The following UBQLN4 variants were observed in gnomAD, a reference collection of about 807,000 sequenced individuals.
UBQLN4 encodes the protein ubiquilin 4, also known as ubiquilin-4.
In UBQLN4, 11 loss-of-function variants were observed where a neutral mutation model predicts 60.4. The ratio of observed to expected loss-of-function variants is 0.18; its 90% CI spans 0.11 to 0.30. The LOEUF (loss-of-function observed/expected upper bound fraction) is 0.30. Ranked by LOEUF, UBQLN4 falls within the 10% of genes least tolerant of loss-of-function variation. The pLI is 1.00. For synonymous variants in UBQLN4, 258 were observed against 313.1 expected (o/e 0.82, Z 1.86); for missense variants, 417 against 795.5 (o/e 0.52, Z 5.72).
intron 10 of UBQLN4, among the ~76,000 whole-genome samples, chr1:156,040,358 C>A (rs370227245): frequency 6.8e-6 from 1 of 147,498 alleles, no homozygotes; most frequent in Non-Finnish European, 1.5e-5. Flanking sequence ...CCAGCCTGGG[C>A]AACAAGAGCA....
At chr1:156,034,452 C>T (rs999255407), downstream of UBQLN4, among the ~76,000 whole-genome samples, 2 of 151,802 alleles carry the variant, frequency 1.3e-5, no homozygotes, top group African/African-American at 4.8e-5. Context: ...CACCTGCCAC[C>T]GTGCCTGGCT....
chr1:156,053,549 A>G, intron 1 of UBQLN4, 45 bp downstream of exon 1: 1 of 819,216 alleles, frequency 1.2e-6, no homozygotes, highest in Non-Finnish European at 1.6e-6. Context: ...ATCTCTTCGC[A>G]GACCCCTCCT....
chr1:156,033,801 A>C (rs530855345), downstream of UBQLN4, among the ~76,000 whole-genome samples: 2 of 151,530 alleles, frequency 1.3e-5, no homozygotes, highest in South Asian at 2.1e-4. Context: ...CCGAGATTGC[A>C]TCACTGCACT....
At chr1:156,039,920 G>C (rs920396293) in intron 10 of UBQLN4, among the ~76,000 whole-genome samples, 3 of 109,738 alleles carry the variant, frequency 2.7e-5, no homozygotes, top group African/African-American at 1.1e-4. Context: ...CTGGGCGACA[G>C]AGCGAGACTC....
chr1:156,046,213 C>A (rs1683694018), intron 5 of UBQLN4, among the ~76,000 whole-genome samples: 1 of 151,614 alleles, frequency 6.6e-6, no homozygotes, highest in Admixed American at 6.6e-5. Context: ...TTAGGCCGGG[C>A]ACGGTGGCTC....
intron 1 of UBQLN4, 113 bp from the exon 2 acceptor site, chr1:156,051,970 G>T: frequency 7.3e-7 from 1 of 1,377,776 alleles, no homozygotes; most frequent in Non-Finnish European, 9.9e-7. Flanking sequence ...CTAGTCATGG[G>T]AAGTCCTTTC....
chr1:156,036,916 T>A lies in UBQLN4; in HGVS notation c.*62A>T. 2 of 1,583,730 alleles carry A rather than the reference T, an allele frequency of 1.3e-6. No individual in the cohort carries two copies. The highest frequency in any genetic ancestry group is 1.2e-5 in the South Asian group (1 of 85,682). ...AGGACAAGCTGCAGAGGGTAAGGAT[T>A]GACAGAAGAACCGAATGCTGACATC... On this transcript the variant is annotated 3_prime_UTR_variant, in exon 11 of 11. Transcript: ENST00000368309.
intron 5 of UBQLN4, among the ~76,000 whole-genome samples, chr1:156,047,709 C>A (rs778061833): frequency 4.6e-5 from 7 of 150,938 alleles, no homozygotes; most frequent in East Asian, 3.9e-4. Flanking sequence ...TCCTGGCTAA[C>A]ATGGTGAAAC....
Position 156,048,360 on chromosome 1 carries a change from G to A in UBQLN4, c.900+141C>T. The A allele has an allele frequency of 3.1e-6, 3 of 980,216 alleles. No homozygotes were observed. Among genetic ancestry groups the A allele is most frequent in the Admixed American group, 2.8e-5 (1 of 35,210 alleles). 60.7% of individuals were successfully genotyped at this position (980,216 alleles called of 1,614,324 possible). ...AATGGACCATCCCCGGATATGTACT[G>A]TTGAGAACTGCCTTCAAGCCAAGGC... On this transcript the variant is annotated intron_variant, in intron 5 of 10. Transcript: ENST00000368309. This position sits in a 1 kb window ranked among gnomAD's most constrained non-coding sequence, Gnocchi z 4.9.
chr1:156,033,480 G>C (rs1683328883), downstream of UBQLN4, among the ~76,000 whole-genome samples: 1 of 151,796 alleles, frequency 6.6e-6, no homozygotes, highest in Non-Finnish European at 1.5e-5. Flanking sequence ...TTCCTTGCTT[G>C]ACCCCAGGAG....
chr1:156,048,370 G>A lies in UBQLN4; in HGVS notation c.900+131C>T, dbSNP rs537565788. 9.5e-4 allele frequency: 1,028 copies of A among 1,081,900 alleles called. 24 individuals carry two copies. The South Asian group carries it at 0.017, about 18-fold the overall frequency. 67.0% of individuals were successfully genotyped at this position (1,081,900 alleles called of 1,614,324 possible). On this transcript the variant is annotated intron_variant, in intron 5 of 10. Coordinates refer to ENST00000368309, the MANE Select transcript of UBQLN4 (RefSeq NM_020131.5). The surrounding 1 kb of genome is among the most constrained non-coding windows in gnomAD (Gnocchi z 4.9). The stretch of plus-strand genomic sequence containing the variant: ...CCCCGGATATGTACTGTTGAGAACT[G>A]CCTTCAAGCCAAGGCCCACCCCTCA...
intron 1 of UBQLN4, among the ~76,000 whole-genome samples, 181 bp from the exon 2 acceptor site, chr1:156,052,038 G>A (rs1465154521): frequency 6.6e-6 from 1 of 152,188 alleles, no homozygotes; most frequent in African/African-American, 2.4e-5. Flanking sequence ...TAACAAAGGA[G>A]ATGAACCAGT....
At chr1:156,041,726 A>C in intron 9 of UBQLN4, 55 bp from the exon 10 acceptor site, 1 of 1,468,174 alleles carries the variant, frequency 6.8e-7, no homozygotes, top group Non-Finnish European at 9.0e-7. Context: ...AGGGATGAGA[A>C]TGTGAGATCC....
intron 1 of UBQLN4, among the ~76,000 whole-genome samples, chr1:156,052,413 A>T (rs956647567): frequency 1.3e-5 from 2 of 152,136 alleles, no homozygotes; most frequent in Non-Finnish European, 2.9e-5. Context: ...TGTAACCTCC[A>T]TCTTCCGGGT....
chr1:156,042,908 A>G lies in UBQLN4; in HGVS notation c.1132T>C (p.Phe378Leu). The change falls in exon 7 of 11, where the codon TTC (phenylalanine) becomes CTC (leucine). Residue 378 changes from phenylalanine to leucine, a missense_variant. Phe to Leu is a conservative substitution (Grantham distance 22). Transcript: ENST00000368309. ...INAASLGSGM[F>L]NSPEMQALLQ... ...AGGGCTTGCATTTCTGGGCTATTGA[A>G]CATCCCTAGGACAAGGCGGAAAAAA... 6.2e-7 allele frequency: 1 copy of G among 1,614,062 alleles called. No individual in the cohort carries two copies. The highest frequency in any genetic ancestry group is 1.3e-5 in the African/African-American group (1 of 75,050).
At chr1:156,033,739 G>A (rs1683334121), downstream of UBQLN4, among the ~76,000 whole-genome samples, 1 of 151,878 alleles carries the variant, frequency 6.6e-6, no homozygotes, top group East Asian at 1.9e-4. Flanking sequence ...AGCTACTCAG[G>A]AGGCTGAGGC....
Position 156,044,075 on chromosome 1 carries a change from G to A in UBQLN4, c.1049C>T (p.Thr350Ile), listed in dbSNP as rs1429645664. ...SQAPGSGGEG[T>I]GGSGTSQVHP... ...CACCTGGCTGGTCCCCGATCCTCCGGTGCCCTCCCCACCGGACCCGGGGGC... is the reference window on the plus strand; with the variant it reads ...CACCTGGCTGGTCCCCGATCCTCCGATGCCCTCCCCACCGGACCCGGGGGC... Residue 350 changes from threonine to isoleucine, a missense_variant, in exon 6 of 11, where the codon ACC (threonine) becomes ATC (isoleucine). By Grantham distance (89) the Thr-to-Ile change is moderately conservative (BLOSUM62 -1). Transcript: ENST00000368309. 6.3e-7 allele frequency: 1 copy of A among 1,599,954 alleles called. No individual in the cohort carries two copies. Among genetic ancestry groups the A allele is most frequent in the Middle Eastern group, 1.7e-4 (1 of 5,962 alleles).
chr1:156,032,201 AC>A (rs1683308889), downstream of UBQLN4, among the ~76,000 whole-genome samples: 2 of 151,578 alleles, frequency 1.3e-5, no homozygotes, highest in African/African-American at 2.4e-5. Context: ...TGGGGGTTTC[AC>A]CATATTGGGC....
intron 1 of UBQLN4, among the ~76,000 whole-genome samples, chr1:156,053,299 C>A (rs577902741): frequency 6.6e-6 from 1 of 152,158 alleles, no homozygotes; most frequent in South Asian, 2.1e-4. Flanking sequence ...CCGGCACACT[C>A]CCCTCAAACC....
Sources: gnomAD v4.1 joint callset for allele counts (sites outside exome capture counted in the v4.1 genomes callset) on GRCh38, gnomAD v4.1.1 for gene constraint, Gnocchi (gnomAD v3.1) non-coding constraint, MANE v1.5 for transcripts, NCBI Gene and HGNC (gene_info 2026-07-23, HGNC 2026-07-21) for gene names.